The following TAFA5 variants were observed in gnomAD, a reference collection of about 807,000 sequenced individuals.
TAFA5 encodes the protein chemokine-like protein TAFA-5.
In TAFA5, 6 loss-of-function variants were observed where a neutral mutation model predicts 15.3. The ratio of observed to expected loss-of-function variants is 0.39; its 90% CI spans 0.21 to 0.77. The LOEUF is 0.77. Among genes scored for constraint, TAFA5 ranks in the 30% least tolerant of loss-of-function variants. The probability of loss-of-function intolerance (pLI) is 0.41; values close to 1 mark genes in which losing one functional copy is unlikely to be tolerated. For synonymous variants in TAFA5, 103 were observed against 80.7 expected (o/e 1.28, Z -1.48); for missense variants, 161 against 193.1 (o/e 0.83, Z 0.98).
At chr22:48,674,400 G>C (rs1927902781) in intron 2 of TAFA5, among the ~76,000 whole-genome samples, 1 of 152,198 alleles carries the variant, frequency 6.6e-6, no homozygotes, top group South Asian at 2.1e-4. Context: ...GTGGACTGTT[G>C]TGTTCACACA....
intron 2 of TAFA5, among the ~76,000 whole-genome samples, chr22:48,650,821 C>T (rs11914057): frequency 0.075 from 11,376 of 152,288 alleles, 1,424 homozygotes; most frequent in African/African-American, 0.26. Flanking sequence ...CCCAGGGCTG[C>T]CCTCTGAGGC....
At chr22:48,621,324 A>C (rs956065065) in intron 1 of TAFA5, among the ~76,000 whole-genome samples, 3 of 146,116 alleles carry the variant, frequency 2.1e-5, no homozygotes, top group African/African-American at 5.1e-5. Context: ...GCACCCACCC[A>C]TCCATCATCC....
chr22:48,609,658 C>G (rs1024999179), intron 1 of TAFA5, among the ~76,000 whole-genome samples: 1 of 152,186 alleles, frequency 6.6e-6, no homozygotes, highest in Non-Finnish European at 1.5e-5. Flanking sequence ...TGTATGAGTT[C>G]CCCAAGGCTG....
rs887624992 is a variant in TAFA5, at chr22:48,714,667, C to T, written c.390+6823C>T. Among the ~76,000 whole-genome samples, 8 of 152,340 alleles carry T rather than the reference C, an allele frequency of 5.3e-5. 1 individual carries two copies. The highest frequency in any genetic ancestry group is 4.1e-4 in the South Asian group (2 of 4,820). ...CTGAGGTGAGTCCCCACTCAGCTCC[C>T]TGAGGGCTCAGTCAAGAGACAGGAG... On this transcript the variant is annotated intron_variant, in intron 3 of 3. Coordinates refer to ENST00000402357, the MANE Select transcript of TAFA5 (RefSeq NM_001082967.3).
intron 1 of TAFA5, among the ~76,000 whole-genome samples, chr22:48,593,752 G>A (rs569010830): frequency 2.0e-5 from 3 of 152,274 alleles, no homozygotes; most frequent in Admixed American, 2.0e-4. Flanking sequence ...CCTTAGCACG[G>A]CCTCCCCAGG....
chr22:48,715,633 C>A (rs1169942017), intron 3 of TAFA5, among the ~76,000 whole-genome samples: 1 of 152,176 alleles, frequency 6.6e-6, no homozygotes, highest in Non-Finnish European at 1.5e-5. Context: ...GACCCCTGAG[C>A]CCTGTAGGTG....
intron 2 of TAFA5, among the ~76,000 whole-genome samples, chr22:48,689,287 AC>A (rs1452907271): frequency 6.6e-6 from 1 of 151,932 alleles, no homozygotes. Flanking sequence ...ACCGGGTCTG[AC>A]CCCCACCCCA....
chr22:48,676,620 G>C (rs1184298833), intron 2 of TAFA5, among the ~76,000 whole-genome samples: 1 of 152,212 alleles, frequency 6.6e-6, no homozygotes, highest in African/African-American at 2.4e-5. Context: ...CCACGAGGAA[G>C]GACACAGGAC....
intron 1 of TAFA5, among the ~76,000 whole-genome samples, chr22:48,532,932 G>C (rs1396150924): frequency 6.6e-6 from 1 of 152,222 alleles, no homozygotes; most frequent in Non-Finnish European, 1.5e-5. Flanking sequence ...GAAAGTTGAG[G>C]CCAAGAGACA....
chr22:48,751,064 G>T lies in TAFA5; in HGVS notation c.*1217G>T, dbSNP rs1001910240. On this transcript the variant is annotated 3_prime_UTR_variant, in exon 4 of 4. Transcript: ENST00000402357. ...CGTCGGCGTCCCGGATGTGTCGGTC[G>T]TGCCCGGGGAGGCCGGGTTCCCCTC... is the stretch of plus-strand genomic sequence containing the variant. The T allele has an allele frequency of 6.6e-6, 1 of 152,332 alleles. No individual in the cohort carries two copies. Among genetic ancestry groups the T allele is most frequent in the African/African-American group, 2.4e-5 (1 of 41,476 alleles). 9.4% of individuals were successfully genotyped at this position (152,332 alleles called of 1,614,324 possible).
intron 1 of TAFA5, among the ~76,000 whole-genome samples, chr22:48,592,384 A>G (rs1347457562): frequency 1.3e-5 from 2 of 152,180 alleles, no homozygotes; most frequent in Non-Finnish European, 2.9e-5. Context: ...CACGCAGGAT[A>G]AGCATCAGAG....
intron 1 of TAFA5, among the ~76,000 whole-genome samples, chr22:48,620,030 A>T (rs1925747773): frequency 6.6e-6 from 1 of 152,196 alleles, no homozygotes; most frequent in Non-Finnish European, 1.5e-5. Flanking sequence ...ATTCAACGGG[A>T]AAGAGGAAAA....
chr22:48,558,431 G>A (rs1923113330), intron 1 of TAFA5, among the ~76,000 whole-genome samples: 1 of 152,136 alleles, frequency 6.6e-6, no homozygotes, highest in African/African-American at 2.4e-5. Context: ...GGTTCTTGGG[G>A]CTCATAATCA....
intron 2 of TAFA5, among the ~76,000 whole-genome samples, chr22:48,652,449 A>G (rs1226819038): frequency 6.6e-6 from 1 of 152,190 alleles, no homozygotes; most frequent in Non-Finnish European, 1.5e-5. Context: ...ACATGGGGAC[A>G]TCTGTTTGAC....
At chr22:48,577,206 G>A (rs1420591501) in intron 1 of TAFA5, among the ~76,000 whole-genome samples, 1 of 152,240 alleles carries the variant, frequency 6.6e-6, no homozygotes, top group Non-Finnish European at 1.5e-5. Context: ...AGGCGCCCAG[G>A]ATAACGGTTG....
intron 2 of TAFA5, among the ~76,000 whole-genome samples, chr22:48,654,916 T>A (rs1927183428): frequency 1.3e-5 from 2 of 152,100 alleles, no homozygotes; most frequent in Non-Finnish European, 2.9e-5. Context: ...CACTGAGGGC[T>A]GGGAGGAGGG....
chr22:48,733,741 G>T (rs130214), intron 3 of TAFA5, among the ~76,000 whole-genome samples: 32,837 of 132,738 alleles, frequency 0.25, 4,342 homozygotes, highest in Non-Finnish European at 0.35. Context: ...CCAGCCTGCA[G>T]GCCAAATCAG....
At chr22:48,733,740 A>C (rs2147268543) in intron 3 of TAFA5, among the ~76,000 whole-genome samples, 1 of 149,016 alleles carries the variant, frequency 6.7e-6, no homozygotes, top group South Asian at 2.1e-4. Context: ...TCCAGCCTGC[A>C]GGCCAAATCA....
At chr22:48,747,895 TAAAAAA>T (rs130233) in intron 3 of TAFA5, among the ~76,000 whole-genome samples, 4 of 121,598 alleles carry the variant, frequency 3.3e-5, no homozygotes, top group Non-Finnish European at 6.7e-5. Context: ...AGACTCTGTC[TAAAAAA>T]AAAAAAAAAA....
Sources: gnomAD v4.1 joint callset for allele counts (sites outside exome capture counted in the v4.1 genomes callset) on GRCh38, gnomAD v4.1.1 for gene constraint, MANE v1.5 for transcripts, NCBI Gene and HGNC (gene_info 2026-07-23, HGNC 2026-07-21) for gene names.